Variants in LRRC51 observed in about 807,000 individuals in gnomAD.
The protein encoded by LRRC51 is leucine rich repeat containing 51.
Under a neutral mutation model 17.8 loss-of-function variants are expected in LRRC51, and 8 were observed. That is an observed-to-expected ratio of 0.45 (90% confidence interval 0.26 to 0.81). LRRC51 has a LOEUF of 0.81. Among genes scored for constraint, LRRC51 ranks in the 30% least tolerant of loss-of-function variants. The pLI is 0.17. For missense variants in LRRC51, 233 were observed against 239.3 expected (o/e 0.97, Z 0.17); for synonymous variants, 92 against 96.0 (o/e 0.96, Z 0.24).
intron 3 of LRRC51, chr11:72,089,662 T>A: frequency 1.9e-6 from 2 of 1,037,824 alleles, no homozygotes; most frequent in Non-Finnish European, 2.4e-6. Flanking sequence ...ACATGAGGGG[T>A]CTTATCTACA....
chr11:72,093,036 T>TAAAC (rs1217374356), intron 3 of LRRC51, among the ~76,000 whole-genome samples: 1 of 152,250 alleles, frequency 6.6e-6, no homozygotes, highest in Non-Finnish European at 1.5e-5. Context: ...TATCACTGTA[T>TAAAC]ATCCAGTACC....
chr11:72,086,443 A>C (rs1385462198), intron 1 of LRRC51: 1 of 702,270 alleles, frequency 1.4e-6, no homozygotes, highest in Admixed American at 2.0e-5. Context: ...AAACAGCTGA[A>C]CCTGGGAACC....
In LRRC51 at chr11:72,095,599, C is replaced by G; in HGVS notation, c.*79C>G. The G allele has an allele frequency of 6.4e-7, 1 of 1,565,100 alleles. No individual in the cohort carries two copies. Among genetic ancestry groups the G allele is most frequent in the Non-Finnish European group, 8.7e-7 (1 of 1,154,358 alleles). Reference sequence around the variant, plus strand: ...ACAATAAATAATTTGAGCTGTTGAGCAGATGAGAAGTCACTTACACCTTGT... The same window carrying G: ...ACAATAAATAATTTGAGCTGTTGAGGAGATGAGAAGTCACTTACACCTTGT... On this transcript the variant is annotated 3_prime_UTR_variant, in exon 6 of 6. Coordinates refer to ENST00000289488, the MANE Select transcript of LRRC51 (RefSeq NM_145309.6).
chr11:72,086,122 ACAAT>A (rs1271433586), intron 1 of LRRC51: 1 of 353,662 alleles, frequency 2.8e-6, no homozygotes, highest in Admixed American at 4.6e-5. Context: ...GATCATCAAA[ACAAT>A]CAGCCTAACA....
At chr11:72,092,020 A>T (rs1295103068) in intron 3 of LRRC51, among the ~76,000 whole-genome samples, 1 of 152,250 alleles carries the variant, frequency 6.6e-6, no homozygotes, top group Admixed American at 6.5e-5. Flanking sequence ...CCTGGAACTT[A>T]CTACTATAAA....
Position 72,094,989 on chromosome 11 carries a change from C to G in LRRC51, c.330C>G (p.His110Gln). 6.2e-7 allele frequency: 1 copy of G among 1,614,050 alleles called. No individual in the cohort carries two copies. Among genetic ancestry groups the G allele is most frequent in the Non-Finnish European group, 8.5e-7 (1 of 1,180,014 alleles). Residue 110 changes from histidine (H) to glutamine (Q), a missense_variant, in exon 5 of 6, where the codon CAC (histidine) becomes CAG (glutamine). Coordinates refer to ENST00000289488, the MANE Select transcript of LRRC51 (RefSeq NM_145309.6). ...TCAACCTGAGTGTCCTCTATCTTCA[C>G]GGCAACAGCATCCAGCGCCTGGGGG... The part of the protein sequence containing the change: ...TFFNLSVLYL[H>Q]GNSIQRLGEV...
chr11:72,082,959 G>A (rs1029133745), intron 1 of LRRC51, among the ~76,000 whole-genome samples: 8 of 151,686 alleles, frequency 5.3e-5, no homozygotes, highest in Non-Finnish European at 1.0e-4. Flanking sequence ...TCCACCTCCC[G>A]GTTTCAAGCA....
intron 3 of LRRC51, among the ~76,000 whole-genome samples, chr11:72,092,736 A>G (rs953381773): frequency 6.6e-6 from 1 of 152,118 alleles, no homozygotes; most frequent in Non-Finnish European, 1.5e-5. Flanking sequence ...CTGTACCTCT[A>G]TACCTTTCTT....
At chr11:72,090,634 C>T (rs1167415914) in intron 3 of LRRC51, among the ~76,000 whole-genome samples, 1 of 152,118 alleles carries the variant, frequency 6.6e-6, no homozygotes, top group African/African-American at 2.4e-5. Flanking sequence ...TTAAGGGATA[C>T]AATAGAGTTT....
chr11:72,095,400 G>A lies in LRRC51; in HGVS notation c.459G>A (p.Leu153=), dbSNP rs1203490611. 6.2e-7 allele frequency: 1 copy of A among 1,614,008 alleles called. No individual in the cohort carries two copies. The highest frequency in any genetic ancestry group is 1.3e-5 in the African/African-American group (1 of 74,918). ...ACAGGCAATATGTGCTGTGCACCCT[G>A]TCCCGTATCACCACGTTCGACTTCA... ...KGYRQYVLCT[L]SRITTFDFSG... is the part of the protein sequence containing the mutation. The change falls in exon 6 of 6, where the codon CTG becomes CTA. Residue 153 remains leucine (L), a synonymous_variant. Coordinates refer to ENST00000289488, the MANE Select transcript of LRRC51 (RefSeq NM_145309.6).
intron 1 of LRRC51, chr11:72,083,762 G>T (rs1028900640): frequency 6.6e-6 from 1 of 152,166 alleles, no homozygotes; most frequent in Non-Finnish European, 1.5e-5. Context: ...GCAAAAGGAG[G>T]AGAGAAAAAC....
At chr11:72,088,212 A>C (rs1944652698) in intron 1 of LRRC51, 85 bp from the exon 2 acceptor site, 1 of 591,206 alleles carries the variant, frequency 1.7e-6, no homozygotes, top group Non-Finnish European at 3.0e-6. Context: ...GCTTTACTTT[A>C]GCTAACAAAT....
rs145019425 is a variant in LRRC51 at position 72,096,700 on chromosome 11, A to T, written c.*1180A>T. 1 of 1,548,868 alleles carries T rather than the reference A, an allele frequency of 6.5e-7. No individual in the cohort carries two copies. Among genetic ancestry groups the T allele is most frequent in the East Asian group, 2.5e-5 (1 of 40,712 alleles). ...AGAGATTTGGGGGTTAAAGTAGATC[A>T]GTAATTTCCAAACTCTTCACAGAGT... On this transcript the variant is annotated 3_prime_UTR_variant, in exon 6 of 6. Transcript: ENST00000289488.
chr11:72,095,644 G>C lies in LRRC51; in HGVS notation c.*124G>C, dbSNP rs746397393. The C allele has an allele frequency of 1.3e-6, 2 of 1,543,800 alleles. No homozygotes were observed. Among genetic ancestry groups the C allele is most frequent in the South Asian group, 2.4e-5 (2 of 83,290 alleles). On this transcript the variant is annotated 3_prime_UTR_variant, in exon 6 of 6. Transcript: ENST00000289488. ...CCTTGTAGAGATGTTCTCTAACTCAGGCAACTGCAAGTAGCTCTAGCCTTT... is the reference window on the plus strand; with the variant it reads ...CCTTGTAGAGATGTTCTCTAACTCACGCAACTGCAAGTAGCTCTAGCCTTT...
Position 72,096,613 on chromosome 11 carries a change from GT to G in LRRC51, c.*1096del. 6.7e-7 allele frequency: 1 copy of G among 1,493,544 alleles called. No individual in the cohort carries two copies. The highest frequency in any genetic ancestry group is 8.9e-7 in the Non-Finnish European group (1 of 1,120,720). The allele number at this position is 1,493,544 out of a possible 1,614,324, so 92.5% of individuals were successfully genotyped here. On this transcript the variant is annotated 3_prime_UTR_variant, in exon 6 of 6. Transcript: ENST00000289488. The stretch of plus-strand genomic sequence containing the variant: ...CTGGCCTGGGACACTGGAGACGTGG[GT>G]TTACCACACAGCCTTGGGAAATTTA...
chr11:72,089,594 C>A, intron 3 of LRRC51: 4 of 1,187,248 alleles, frequency 3.4e-6, no homozygotes, highest in Non-Finnish European at 4.2e-6. Context: ...GGAGTCCCAG[C>A]AAGTAGGCAA....
chr11:72,095,018 T>G lies in LRRC51; in HGVS notation c.359T>G (p.Val120Gly), dbSNP rs763423774. The G allele has an allele frequency of 1.1e-5, 18 of 1,613,466 alleles. No individual in the cohort carries two copies. The highest frequency in any genetic ancestry group is 1.4e-5 in the Non-Finnish European group (16 of 1,179,934). ...AACAGCATCCAGCGCCTGGGGGAGGTGAATAAGCTGGCTGTCCTTCCTCGG... is the reference window on the plus strand; with the variant it reads ...AACAGCATCCAGCGCCTGGGGGAGGGGAATAAGCTGGCTGTCCTTCCTCGG... ...HGNSIQRLGE[V>G]NKLAVLPRLR... The change falls in exon 5 of 6, where the codon GTG (valine) becomes GGG (glycine). Residue 120 changes from valine to glycine, a missense_variant. Physicochemically the swap from Val to Gly is moderately radical, Grantham distance 109. Coordinates refer to ENST00000289488, the MANE Select transcript of LRRC51 (RefSeq NM_145309.6).
intron 1 of LRRC51, among the ~76,000 whole-genome samples, chr11:72,083,022 C>T (rs2136468287): frequency 6.6e-6 from 1 of 152,312 alleles, no homozygotes; most frequent in South Asian, 2.1e-4. Context: ...TGCGCCACCA[C>T]ACCCGGCTAA....
At chr11:72,094,775 T>C (rs753096696) in intron 4 of LRRC51, 173 bp from the exon 5 acceptor site, 1 of 1,255,452 alleles carries the variant, frequency 8.0e-7, no homozygotes, top group African/African-American at 1.5e-5. Flanking sequence ...ATGCCCTGTA[T>C]GTCTTAAAAC....
Sources: allele counts gnomAD v4.1 joint callset (sites outside exome capture counted in the v4.1 genomes callset), GRCh38; gene constraint gnomAD v4.1.1; transcripts MANE v1.5; gene names NCBI Gene and HGNC (gene_info 2026-07-23, HGNC 2026-07-21).